Variants in PCDHGA12 observed in about 807,000 individuals in gnomAD.
The protein encoded by PCDHGA12 is protocadherin gamma subfamily A, 12.
In PCDHGA12, 43 loss-of-function variants were observed where a neutral mutation model predicts 61.1. That is an observed-to-expected ratio of 0.70 (90% CI 0.55 to 0.91). The LOEUF is 0.91. Ranked by LOEUF, PCDHGA12 falls within the 40% of genes least tolerant of loss-of-function variation. The pLI is 0.00. For synonymous variants in PCDHGA12, 520 were observed against 542.9 expected (o/e 0.96, Z 0.59); for missense variants, 1,236 against 1,227.7 (o/e 1.01, Z -0.10).
chr5:141,476,950 A>T lies in PCDHGA12; in HGVS notation c.2425-17857A>T, dbSNP rs1224572890. 2 of 1,614,158 alleles carry T rather than the reference A, an allele frequency of 1.2e-6. No homozygotes were observed. The highest frequency in any genetic ancestry group is 4.5e-5 in the East Asian group (2 of 44,878). ...ATCTGGATGAAGGCCCCAACGGTGA[A>T]ATTATTTACTCCTTCGGCAGCCACA... On this transcript the variant is annotated intron_variant, in intron 1 of 3. Transcript: ENST00000252085. The surrounding 1 kb of genome is among the most constrained non-coding windows in gnomAD (Gnocchi z 7.6).
In PCDHGA12 at chr5:141,477,294, C is replaced by G. The variant is rs753131175; in HGVS notation, c.2425-17513C>G. On this transcript the variant is annotated intron_variant, in intron 1 of 3. Coordinates refer to ENST00000252085, the MANE Select transcript of PCDHGA12 (RefSeq NM_003735.3). This position sits in a 1 kb window ranked among gnomAD's most constrained non-coding sequence, Gnocchi z 4.9. ...GGGCTGGTGACCTGCGAAGTTCCACCGGGTCTCCCTTTCAGCCTTACTTCT... is the reference window on the plus strand; with the variant it reads ...GGGCTGGTGACCTGCGAAGTTCCACGGGGTCTCCCTTTCAGCCTTACTTCT... The G allele has an allele frequency of 2.1e-5, 34 of 1,614,024 alleles. No individual in the cohort carries two copies. Among genetic ancestry groups the G allele is most frequent in the Non-Finnish European group, 2.9e-5 (34 of 1,180,036 alleles).
rs2099642802 is a variant in PCDHGA12, at chr5:141,487,311, CTAAG to C, written c.2425-7494_2425-7491del. The C allele has an allele frequency of 1.2e-6, 2 of 1,614,058 alleles. No individual in the cohort carries two copies. On this transcript the variant is annotated intron_variant, in intron 1 of 3. Coordinates refer to ENST00000252085, the MANE Select transcript of PCDHGA12 (RefSeq NM_003735.3). This position sits in a 1 kb window ranked among gnomAD's most constrained non-coding sequence, Gnocchi z 5.0. ...TTTGGCTCATTCGTGGCACTACTCTCTAAGTGTCTTCGTGGGGCAGCCTGTGGAG... is the reference window on the plus strand; with the variant it reads ...TTTGGCTCATTCGTGGCACTACTCTCTGTCTTCGTGGGGCAGCCTGTGGAG...
Position 141,476,242 on chromosome 5 carries a change from G to T in PCDHGA12, c.2425-18565G>T. ...ACTATGAGATCCCGGAGGAAAGAGA[G>T]AAGGGTTTCGCTGTGGGCAACGTGG... is the stretch of plus-strand genomic sequence containing the variant. On this transcript the variant is annotated intron_variant, in intron 1 of 3. Coordinates refer to ENST00000252085, the MANE Select transcript of PCDHGA12 (RefSeq NM_003735.3). The surrounding 1 kb of genome is among the most constrained non-coding windows in gnomAD (Gnocchi z 7.6). 6.2e-7 allele frequency: 1 copy of T among 1,614,100 alleles called. No individual in the cohort carries two copies.
In PCDHGA12 at chr5:141,431,887, T is replaced by C; in HGVS notation, c.1128T>C (p.Ser376=). The C allele has an allele frequency of 1.2e-6, 2 of 1,614,190 alleles. No individual in the cohort carries two copies. The highest frequency in any genetic ancestry group is 1.7e-6 in the Non-Finnish European group (2 of 1,179,996). ...IALLNVNDQD[S]EENGQVICFI... is the part of the protein sequence containing the mutation. ...TTTTAAATGTAAATGACCAAGATTCTGAGGAAAACGGACAGGTGATCTGTT... is the reference window on the plus strand; with the variant it reads ...TTTTAAATGTAAATGACCAAGATTCCGAGGAAAACGGACAGGTGATCTGTT... The change falls in exon 1 of 4, where the codon TCT becomes TCC. Residue 376 remains serine (S), a synonymous_variant. Coordinates refer to ENST00000252085, the MANE Select transcript of PCDHGA12 (RefSeq NM_003735.3). The surrounding 1 kb of genome is among the most constrained non-coding windows in gnomAD (Gnocchi z 4.8).
Position 141,430,910 on chromosome 5 carries a change from G to C in PCDHGA12, c.151G>C (p.Asp51His). The part of the protein sequence containing the change: ...KGSRVGDISR[D>H]LGLEPRELAE... ...CTCTAGGGTGGGCGACATCTCCAGG[G>C]ACCTGGGGCTGGAGCCCCGGGAGCT... The change falls in exon 1 of 4, where the codon GAC becomes CAC. Residue 51 changes from aspartate to histidine, a missense_variant. Coordinates refer to ENST00000252085, the MANE Select transcript of PCDHGA12 (RefSeq NM_003735.3). 2 of 1,608,040 alleles carry C rather than the reference G, an allele frequency of 1.2e-6. No homozygotes were observed. The highest frequency in any genetic ancestry group is 1.1e-5 in the South Asian group (1 of 90,036).
At chr5:141,492,974 C>G (rs1479838959) in intron 1 of PCDHGA12, among the ~76,000 whole-genome samples, 1 of 152,244 alleles carries the variant, frequency 6.6e-6, no homozygotes, top group Non-Finnish European at 1.5e-5. Flanking sequence ...CTAACAAGTC[C>G]TGTCTCCTCT....
chr5:141,506,209 G>A (rs549403288), intron 3 of PCDHGA12, among the ~76,000 whole-genome samples: 3 of 152,284 alleles, frequency 2.0e-5, no homozygotes, highest in African/African-American at 7.2e-5. Context: ...CCAGCACTTT[G>A]GGAAGCTGAG....
Position 141,490,629 on chromosome 5 carries a change from C to T in PCDHGA12, c.2425-4178C>T, listed in dbSNP as rs1174984711. 1.2e-6 allele frequency: 2 copies of T among 1,614,214 alleles called. No individual in the cohort carries two copies. Among genetic ancestry groups the T allele is most frequent in the East Asian group, 2.2e-5 (1 of 44,882 alleles). On this transcript the variant is annotated intron_variant, in intron 1 of 3. Coordinates refer to ENST00000252085, the MANE Select transcript of PCDHGA12 (RefSeq NM_003735.3). This position sits in a 1 kb window ranked among gnomAD's most constrained non-coding sequence, Gnocchi z 5.4. ...ACCAGCAGCTTTACACTGCTTACAT[C>T]CTAGAAAACCGGCCTCCGGGCTCCC...
At chr5:141,469,233 C>T (rs2099194657) in intron 1 of PCDHGA12, among the ~76,000 whole-genome samples, 1 of 149,878 alleles carries the variant, frequency 6.7e-6, no homozygotes, top group African/African-American at 2.5e-5. Context: ...GCCATGATCA[C>T]CCCACTGCAC....
chr5:141,487,921 A>G lies in PCDHGA12; in HGVS notation c.2425-6886A>G, dbSNP rs17097340. On this transcript the variant is annotated intron_variant, in intron 1 of 3. Coordinates refer to ENST00000252085, the MANE Select transcript of PCDHGA12 (RefSeq NM_003735.3). This position sits in a 1 kb window ranked among gnomAD's most constrained non-coding sequence, Gnocchi z 5.0. ...GGAATGTGGGAGCACAGGAGGCTAC[A>G]GTGCACAGGGTACAGTGCACCAGGC... 0.15 allele frequency: 93,556 copies of G among 639,124 alleles called. 7,160 individuals carry two copies. The highest frequency in any genetic ancestry group is 0.21 in the African/African-American group (11,270 of 54,532). 39.6% of individuals were successfully genotyped at this position (639,124 alleles called of 1,614,324 possible).
intron 1 of PCDHGA12, among the ~76,000 whole-genome samples, chr5:141,461,838 T>G (rs1592748714): frequency 6.6e-6 from 1 of 151,980 alleles, no homozygotes; most frequent in African/African-American, 2.4e-5. Context: ...TTCTTTTTTT[T>G]TTGAGACAGA....
intron 1 of PCDHGA12, chr5:141,471,300 C>T (rs2099254628): frequency 6.6e-6 from 1 of 152,190 alleles, no homozygotes; most frequent in African/African-American, 2.4e-5. Context: ...ATCCACCCAA[C>T]TCGGCCTCCC....
chr5:141,490,249 C>T lies in PCDHGA12; in HGVS notation c.2425-4558C>T, dbSNP rs2099697737. On this transcript the variant is annotated intron_variant, in intron 1 of 3. Coordinates refer to ENST00000252085, the MANE Select transcript of PCDHGA12 (RefSeq NM_003735.3). The surrounding 1 kb of genome is among the most constrained non-coding windows in gnomAD (Gnocchi z 5.4). ...TGCCATGGAGGGCCACTGTGTGATT[C>T]AAGTGGATGTGGGGGATGTCAATGA... The T allele has an allele frequency of 1.2e-6, 2 of 1,614,218 alleles. No individual in the cohort carries two copies. The highest frequency in any genetic ancestry group is 1.7e-6 in the Non-Finnish European group (2 of 1,180,044).
Position 141,485,151 on chromosome 5 carries a change from T to C in PCDHGA12, c.2425-9656T>C, listed in dbSNP as rs1191585056. 1.0e-5 allele frequency: 16 copies of C among 1,584,876 alleles called. No homozygotes were observed. Among genetic ancestry groups the C allele is most frequent in the Non-Finnish European group, 1.3e-5 (15 of 1,156,528 alleles). On this transcript the variant is annotated intron_variant, in intron 1 of 3. Coordinates refer to ENST00000252085, the MANE Select transcript of PCDHGA12 (RefSeq NM_003735.3). This position sits in a 1 kb window ranked among gnomAD's most constrained non-coding sequence, Gnocchi z 5.7. ...GCTTCATCCGCGTCTCAGGAGCAAG[T>C]AGAGAATTAGCGGGCGGCAGCAATG...
At chr5:141,471,021 A>C (rs1399168691) in intron 1 of PCDHGA12, among the ~76,000 whole-genome samples, 1 of 136,940 alleles carries the variant, frequency 7.3e-6, no homozygotes, top group African/African-American at 2.7e-5. Flanking sequence ...CTGGTCAATC[A>C]TTTTTATTAA....
Position 141,490,348 on chromosome 5 carries a change from G to T in PCDHGA12, c.2425-4459G>T, listed in dbSNP as rs2099698964. On this transcript the variant is annotated intron_variant, in intron 1 of 3. Transcript: ENST00000252085. The surrounding 1 kb of genome is among the most constrained non-coding windows in gnomAD (Gnocchi z 5.4). ...GAGCACACCAGTGGGCACAGTAGTG[G>T]GGTTGTTTAATGTGCGAGACCGGGA... The T allele has an allele frequency of 1.2e-6, 2 of 1,614,080 alleles. No homozygotes were observed. The highest frequency in any genetic ancestry group is 3.3e-5 in the Admixed American group (2 of 60,018).
At chr5:141,495,236 A>G (rs2099759742) in intron 2 of PCDHGA12, among the ~76,000 whole-genome samples, 1 of 152,168 alleles carries the variant, frequency 6.6e-6, no homozygotes, top group South Asian at 2.1e-4. Flanking sequence ...GGGCTCCATT[A>G]TGACCTGGGG....
rs1259562533 is a variant in PCDHGA12 at position 141,482,788 on chromosome 5, G to T, written c.2425-12019G>T. 2.6e-5 allele frequency among the ~76,000 whole-genome samples: 4 copies of T among 152,184 alleles called. 1 individual carries two copies. Among genetic ancestry groups the T allele is most frequent in the Admixed American group, 2.6e-4 (4 of 15,278 alleles). ...TATCACTGAACCTTAAACTGTGTGTGTGGCCGGGTACGGTGGCTCATGCCT... is the reference window on the plus strand; with the variant it reads ...TATCACTGAACCTTAAACTGTGTGTTTGGCCGGGTACGGTGGCTCATGCCT... On this transcript the variant is annotated intron_variant, in intron 1 of 3. Transcript: ENST00000252085.
intron 1 of PCDHGA12, among the ~76,000 whole-genome samples, chr5:141,494,070 C>T (rs933213518): frequency 3.9e-5 from 6 of 152,174 alleles, no homozygotes; most frequent in African/African-American, 1.4e-4. Context: ...AGCTGGATCC[C>T]TCCCCGCTGC....
Sources: allele counts gnomAD v4.1 joint callset (sites outside exome capture counted in the v4.1 genomes callset), GRCh38; gene constraint gnomAD v4.1.1; non-coding constraint Gnocchi (gnomAD v3.1); transcripts MANE v1.5; gene names NCBI Gene and HGNC (gene_info 2026-07-23, HGNC 2026-07-21).